ADGRF1: variants seen among roughly 807,000 people sequenced by gnomAD.
ADGRF1 encodes G protein-coupled receptor 110.
Under a neutral mutation model 87.2 loss-of-function variants are expected in ADGRF1, and 85 were observed. The observed-to-expected ratio is 0.97, with a 90% confidence interval of 0.82 to 1.17. The LOEUF (loss-of-function observed/expected upper bound fraction) is 1.17. ADGRF1 is among the 50% of genes most tolerant of loss of function. ADGRF1 has a pLI of 0.00. For missense variants in ADGRF1, 1,169 were observed against 1,077.2 expected (o/e 1.09, Z -1.19); for synonymous variants, 430 against 408.8 (o/e 1.05, Z -0.63).
Position 47,026,013 on chromosome 6 carries a change from G to A in ADGRF1, c.128-10C>T. The A allele has an allele frequency of 6.8e-7, 1 of 1,480,944 alleles. No individual in the cohort carries two copies. The highest frequency in any genetic ancestry group is 2.6e-5 in the Admixed American group (1 of 38,450). The allele number at this position is 1,480,944 out of a possible 1,614,324, so 91.7% of individuals were successfully genotyped here. On this transcript the variant is annotated splice_polypyrimidine_tract_variant and intron_variant, in intron 3 of 14. Coordinates refer to ENST00000371253, the MANE Select transcript of ADGRF1 (RefSeq NM_153840.4). Reference sequence around the variant, plus strand: ...TATTCTTCGACTGGGCCTAAAGAGAGAAAGAGAGTCAGAAACCTTTTTTTC... The same window carrying A: ...TATTCTTCGACTGGGCCTAAAGAGAAAAAGAGAGTCAGAAACCTTTTTTTC...
In ADGRF1 at chr6:46,998,038, G is replaced by A. The variant is rs1779260620; in HGVS notation, c.*2184C>T. ...CTCCAACTGAGTCTTGTGTTGAGTT[G>A]CCTACTTGCGCTAGCACATCTTCCC... On this transcript the variant is annotated 3_prime_UTR_variant, in exon 15 of 15. Coordinates refer to ENST00000371253, the MANE Select transcript of ADGRF1 (RefSeq NM_153840.4). 2 of 152,140 alleles carry A rather than the reference G, an allele frequency of 1.3e-5. No individual in the cohort carries two copies. Among genetic ancestry groups the A allele is most frequent in the Non-Finnish European group, 2.9e-5 (2 of 68,028 alleles). The allele number at this position is 152,140 out of a possible 1,614,324, so 9.4% of individuals were successfully genotyped here.
intron 7 of ADGRF1, 47 bp downstream of exon 7, chr6:47,020,684 G>T: frequency 6.2e-7 from 1 of 1,600,896 alleles, no homozygotes; most frequent in Non-Finnish European, 8.6e-7. Flanking sequence ...TTGCAGAACT[G>T]GTGCCCAATT....
At position 46,998,945 on chromosome 6, in the gene ADGRF1, A is replaced by G. The variant is rs56082454; in HGVS notation, c.*1277T>C. The G allele has an allele frequency of 0.028, 4,301 of 152,356 alleles. 200 individuals carry two copies. The highest frequency in any genetic ancestry group is 0.095 in the African/African-American group (3,944 of 41,568). 9.4% of individuals were successfully genotyped at this position (152,356 alleles called of 1,614,324 possible). A position where few individuals can be genotyped will look rare whatever the true frequency, so the allele number is the denominator to read the frequency against. ...CTCAGGTATGCTTATTTAATCTACCACCACTAACTAGAAGTTCCCCCAGCT... is the reference window on the plus strand; with the variant it reads ...CTCAGGTATGCTTATTTAATCTACCGCCACTAACTAGAAGTTCCCCCAGCT... On this transcript the variant is annotated 3_prime_UTR_variant, in exon 15 of 15. Transcript: ENST00000371253.
At chr6:47,025,706 A>G (rs746913728) in intron 4 of ADGRF1, 148 bp downstream of exon 4, 32 of 734,312 alleles carry the variant, frequency 4.4e-5, no homozygotes, top group Non-Finnish European at 6.4e-5. Flanking sequence ...TCTGCAATGG[A>G]CATGTAGCAT....
intron 9 of ADGRF1, chr6:47,014,383 G>A (rs1171270274): frequency 9.4e-7 from 1 of 1,069,246 alleles, no homozygotes; most frequent in Admixed American, 5.1e-5. Flanking sequence ...GGCCAGCTTA[G>A]TTGCTGCTCT....
intron 1 of ADGRF1, among the ~76,000 whole-genome samples, chr6:47,035,508 A>T (rs1780563563): frequency 6.6e-6 from 1 of 152,228 alleles, no homozygotes. Flanking sequence ...ATAAGTTTTG[A>T]TTTGATTATT....
At chr6:47,016,817 C>A in intron 7 of ADGRF1, 49 bp from the exon 8 acceptor site, 2 of 1,534,380 alleles carry the variant, frequency 1.3e-6, no homozygotes, top group Non-Finnish European at 1.8e-6. Flanking sequence ...CTTATTTATT[C>A]ATTCACTCCC....
At chr6:47,019,623 G>A (rs1013618280) in intron 7 of ADGRF1, 4 of 367,622 alleles carry the variant, frequency 1.1e-5, no homozygotes, top group African/African-American at 4.5e-5. Flanking sequence ...GGTGGAGGTT[G>A]CAGTGAGCCG....
At chr6:47,021,581 G>T (rs190192995) in intron 6 of ADGRF1, among the ~76,000 whole-genome samples, 2 of 152,084 alleles carry the variant, frequency 1.3e-5, no homozygotes, top group African/African-American at 4.8e-5. Flanking sequence ...GGCTGGTCTC[G>T]AACTCCTGAC....
chr6:47,027,270 C>T (rs1193555129), intron 3 of ADGRF1, among the ~76,000 whole-genome samples: 1 of 152,206 alleles, frequency 6.6e-6, no homozygotes, highest in Non-Finnish European at 1.5e-5. Flanking sequence ...TGCTGTATGG[C>T]AGATTTATTG....
At position 47,009,156 on chromosome 6, in the gene ADGRF1, A is replaced by G; in HGVS notation, c.2279T>C (p.Val760Ala). Residue 760 changes from valine to alanine, a missense_variant, in exon 11 of 15, where the codon GTT (valine) becomes GCT (alanine). Val to Ala is a moderately conservative substitution (Grantham distance 64). Coordinates refer to ENST00000371253, the MANE Select transcript of ADGRF1 (RefSeq NM_153840.4). ...PALAIVAVNF[V>A]VVLLVLTKLW... ...CTTTGTGAGAACTAGCAGCACCACA[A>G]CGAAGTTCACAGCCACAATAGCCAG... 1.9e-6 allele frequency: 3 copies of G among 1,614,158 alleles called. No individual in the cohort carries two copies. Among genetic ancestry groups the G allele is most frequent in the Non-Finnish European group, 2.5e-6 (3 of 1,180,026 alleles).
chr6:47,014,462 A>T, intron 9 of ADGRF1: 1 of 1,277,268 alleles, frequency 7.8e-7, no homozygotes, highest in Non-Finnish European at 9.9e-7. Context: ...CAAAACTATC[A>T]ACTCTGTCTT....
At chr6:47,041,147 T>C (rs921742382) in intron 1 of ADGRF1, among the ~76,000 whole-genome samples, 1 of 152,256 alleles carries the variant, frequency 6.6e-6, no homozygotes, top group Admixed American at 6.5e-5. Context: ...CTCAATGTTT[T>C]ACTACTTGTC....
intron 7 of ADGRF1, chr6:47,020,055 G>A (rs1356843974): frequency 2.9e-5 from 29 of 996,714 alleles, no homozygotes; most frequent in Non-Finnish European, 3.2e-5. Context: ...TCCACCCTTC[G>A]ACAACCCGCA....
chr6:47,029,133 G>A, intron 1 of ADGRF1, 29 bp from the exon 2 acceptor site: 11 of 1,283,792 alleles, frequency 8.6e-6, no homozygotes, highest in Non-Finnish European at 1.2e-5. Context: ...AGGTAAGGTA[G>A]AGGCACAAAA....
rs148538572 is a variant in ADGRF1 at position 47,035,407 on chromosome 6, T to TA, written c.-43-6304dup. Among the ~76,000 whole-genome samples the TA allele has an allele frequency of 4.3e-3, 656 of 152,248 alleles. 5 individuals are homozygous for TA. Among genetic ancestry groups the TA allele is most frequent in the African/African-American group, 0.015 (605 of 41,550 alleles). On this transcript the variant is annotated intron_variant, in intron 1 of 14. Coordinates refer to ENST00000371253, the MANE Select transcript of ADGRF1 (RefSeq NM_153840.4). The stretch of plus-strand genomic sequence containing the variant: ...TTCTTGAATTGTTTGCTTTTAAAAA[T>TA]AAAAAAGTACCTGAACAGAACTCCA...
rs1260663274 is a variant in ADGRF1 at position 46,999,273 on chromosome 6, C to T, written c.*949G>A. 1 of 152,186 alleles carries T rather than the reference C, an allele frequency of 6.6e-6. No individual in the cohort carries two copies. Among genetic ancestry groups the T allele is most frequent in the East Asian group, 1.9e-4 (1 of 5,202 alleles). 9.4% of individuals were successfully genotyped at this position (152,186 alleles called of 1,614,324 possible). On this transcript the variant is annotated 3_prime_UTR_variant, in exon 15 of 15. Transcript: ENST00000371253. ...AAAATAAGGATGTTTTAAGGTACCT[C>T]CCTGGAAGCTGACAACCAAATTCTC...
At position 47,028,964 on chromosome 6, in the gene ADGRF1, A is replaced by G. The variant is rs1405839697; in HGVS notation, c.69+29T>C. The G allele has an allele frequency of 3.8e-6, 6 of 1,581,798 alleles. No individual in the cohort carries two copies. In the African/African-American group the frequency reaches 5.4e-5, roughly 14 times the overall value. On this transcript the variant is annotated intron_variant, in intron 2 of 14. Transcript: ENST00000371253. ...GAACGAGAGAGGAGAGTTAGTTGAG[A>G]AGAGATATGAGACATAGCACCAACT...
intron 3 of ADGRF1, among the ~76,000 whole-genome samples, chr6:47,026,867 A>G (rs1780252048): frequency 1.3e-5 from 2 of 152,016 alleles, no homozygotes; most frequent in African/African-American, 2.4e-5. Context: ...GACAAGACCC[A>G]CTTCTCGTCC....
Sources: allele counts gnomAD v4.1 joint callset (sites outside exome capture counted in the v4.1 genomes callset), GRCh38; gene constraint gnomAD v4.1.1; transcripts MANE v1.5; gene names NCBI Gene and HGNC (gene_info 2026-07-23, HGNC 2026-07-21).